Variants in C19orf38 observed in about 807,000 individuals in gnomAD.
C19orf38 encodes the protein chromosome 19 open reading frame 38.
C19orf38 carries 14 observed loss-of-function variants against 26.6 expected under a neutral mutation model. That is an observed-to-expected ratio of 0.53 (90% CI 0.35 to 0.82). C19orf38 has a LOEUF of 0.82. Among genes scored for constraint, C19orf38 ranks in the 40% least tolerant of loss-of-function variants. C19orf38 has a pLI of 0.01. For missense variants in C19orf38, 261 were observed against 299.5 expected (o/e 0.87, Z 0.95); for synonymous variants, 132 against 128.5 (o/e 1.03, Z -0.18).
chr19:10,861,808 C>T (rs1009931396), intron 5 of C19orf38, among the ~76,000 whole-genome samples: 2 of 151,874 alleles, frequency 1.3e-5, no homozygotes, highest in African/African-American at 4.8e-5. Flanking sequence ...GAACTCATGA[C>T]CTCAGGTGAT....
At chr19:10,863,688 G>T (rs896542527) in intron 6 of C19orf38, among the ~76,000 whole-genome samples, 1 of 123,350 alleles carries the variant, frequency 8.1e-6, no homozygotes, top group Non-Finnish European at 1.8e-5. Context: ...TTGGAAGGCC[G>T]AGGCGGGTGT....
intron 1 of C19orf38, among the ~76,000 whole-genome samples, chr19:10,849,448 C>T (rs1017241223): frequency 5.3e-5 from 8 of 152,106 alleles, no homozygotes; most frequent in African/African-American, 1.7e-4. Context: ...GGACTCAGCT[C>T]GTGGGAGGCC....
chr19:10,837,343 G>C (rs553013894), intron 1 of C19orf38, among the ~76,000 whole-genome samples: 86 of 152,240 alleles, frequency 5.6e-4, no homozygotes, highest in African/African-American at 2.0e-3. Flanking sequence ...TCCTGCATTT[G>C]GAGAATTTGG....
intron 3 of C19orf38, among the ~76,000 whole-genome samples, chr19:10,857,360 ATATATATTTTT>A: frequency 1.2e-5 from 1 of 82,036 alleles, no homozygotes; most frequent in African/African-American, 9.8e-5. Context: ...ATATATATAT[ATATATATTTTT>A]TTTTTTTTTT....
chr19:10,857,737 CG>C (rs2073644124), intron 3 of C19orf38, among the ~76,000 whole-genome samples: 1 of 150,280 alleles, frequency 6.7e-6, no homozygotes, highest in African/African-American at 2.4e-5. Context: ...AAAAATTAGC[CG>C]GGCGTGGTGG....
chr19:10,838,825 G>C (rs1762806622), intron 1 of C19orf38, among the ~76,000 whole-genome samples: 2 of 152,174 alleles, frequency 1.3e-5, no homozygotes, highest in African/African-American at 4.8e-5. Flanking sequence ...CATTTGCATA[G>C]GGTGTGAATT....
chr19:10,841,055 A>G (rs1237051737), intron 1 of C19orf38, among the ~76,000 whole-genome samples: 3 of 151,898 alleles, frequency 2.0e-5, no homozygotes, highest in African/African-American at 7.3e-5. Context: ...TGGTGTGTAT[A>G]TCTTCTTTGG....
chr19:10,857,148 G>A (rs578233814), intron 3 of C19orf38, among the ~76,000 whole-genome samples: 1 of 149,982 alleles, frequency 6.7e-6, no homozygotes. Flanking sequence ...TATTGCCCAG[G>A]CTGGTCTTGA....
At chr19:10,867,991 T>C (rs1456765298) in intron 6 of C19orf38, among the ~76,000 whole-genome samples, 1 of 152,166 alleles carries the variant, frequency 6.6e-6, no homozygotes, top group African/African-American at 2.4e-5. Context: ...TTGTGTTGTA[T>C]GGATACACCA....
At chr19:10,844,972 T>C (rs1885184660), upstream of C19orf38, among the ~76,000 whole-genome samples, 1 of 140,682 alleles carries the variant, frequency 7.1e-6, no homozygotes. Flanking sequence ...AGCTAGGCAA[T>C]GTAGTGAGAC....
intron 2 of C19orf38, 69 bp downstream of exon 2, chr19:10,850,636 G>C: frequency 2.7e-6 from 4 of 1,487,770 alleles, no homozygotes; most frequent in Non-Finnish European, 3.6e-6. Context: ...TGTGTGTACT[G>C]TTGACTCAGA....
intron 2 of C19orf38, among the ~76,000 whole-genome samples, chr19:10,855,312 C>T (rs544085285): frequency 3.9e-5 from 6 of 152,144 alleles, no homozygotes; most frequent in African/African-American, 1.2e-4. Flanking sequence ...GGATTACAGG[C>T]GTGAGCCACC....
chr19:10,837,988 C>T (rs893793236), intron 1 of C19orf38, among the ~76,000 whole-genome samples: 2 of 152,016 alleles, frequency 1.3e-5, no homozygotes, highest in African/African-American at 2.4e-5. Flanking sequence ...CATGAGGTTT[C>T]CCTGTGTTGC....
At chr19:10,850,003 G>T (rs542152996) in intron 1 of C19orf38, among the ~76,000 whole-genome samples, 2 of 147,466 alleles carry the variant, frequency 1.4e-5, no homozygotes, top group African/African-American at 5.0e-5. Context: ...AGGCTGTAGT[G>T]AGCCGAGATC....
Position 10,848,415 on chromosome 19 carries a change from C to T in C19orf38, c.-94C>T. ...CTCAGCTCGAGAATCAGCCCTGGTT[C>T]TCCTTTCCCCGATCTGGCCTCACAG... is the stretch of plus-strand genomic sequence containing the variant. On this transcript the variant is annotated 5_prime_UTR_variant, in exon 1 of 7. Coordinates refer to ENST00000397820, the MANE Select transcript of C19orf38 (RefSeq NM_001136482.3). 7.3e-7 allele frequency: 1 copy of T among 1,363,060 alleles called. No individual in the cohort carries two copies. The highest frequency in any genetic ancestry group is 1.2e-5 in the South Asian group (1 of 80,202). The allele number at this position is 1,363,060 out of a possible 1,614,324, so 84.4% of individuals were successfully genotyped here. A position where few individuals can be genotyped will look rare whatever the true frequency, so the allele number is the denominator to read the frequency against.
In C19orf38 at chr19:10,850,385, G is replaced by A. The variant is rs1473276027; in HGVS notation, c.158G>A (p.Arg53Gln). 7.7e-6 allele frequency: 12 copies of A among 1,550,986 alleles called. No homozygotes were observed. Among genetic ancestry groups the A allele is most frequent in the Middle Eastern group, 1.7e-4 (1 of 5,984 alleles). ...CCGGGGGCGAATTTCACACTGTATCGAGGGGGGCAGGTGGTCCAGCTCCTG... is the reference window on the plus strand; with the variant it reads ...CCGGGGGCGAATTTCACACTGTATCAAGGGGGGCAGGTGGTCCAGCTCCTG... ...NFPGANFTLY[R>Q]GGQVVQLLQA... Residue 53 changes from arginine (R) to glutamine (Q), a missense_variant, in exon 2 of 7, where the codon CGA becomes CAA. Transcript: ENST00000397820.
At chr19:10,858,538 T>C (rs1389181091) in intron 4 of C19orf38, among the ~76,000 whole-genome samples, 195 bp downstream of exon 4, 5 of 152,162 alleles carry the variant, frequency 3.3e-5, no homozygotes, top group African/African-American at 1.2e-4. Flanking sequence ...CTGGAGCTCC[T>C]TATCCTTATG....
intron 2 of C19orf38, among the ~76,000 whole-genome samples, chr19:10,850,772 G>A (rs2073564704): frequency 6.6e-6 from 1 of 152,266 alleles, no homozygotes; most frequent in South Asian, 2.1e-4. Context: ...TCACAGGGCC[G>A]ACTTCAGGTA....
intron 3 of C19orf38, among the ~76,000 whole-genome samples, chr19:10,856,933 A>T (rs758315728): frequency 2.6e-5 from 4 of 151,816 alleles, no homozygotes; most frequent in Non-Finnish European, 5.9e-5. Context: ...AGTAGCTGGG[A>T]CCACAGGTGC....
Sources: gnomAD v4.1 joint callset for allele counts (sites outside exome capture counted in the v4.1 genomes callset) on GRCh38, gnomAD v4.1.1 for gene constraint, MANE v1.5 for transcripts, NCBI Gene and HGNC (gene_info 2026-07-23, HGNC 2026-07-21) for gene names.